TBC1D21: variants seen among roughly 807,000 people sequenced by gnomAD.
TBC1D21 encodes the protein male germ cell Rab GTPase-activating protein.
TBC1D21 carries 38 observed loss-of-function variants against 46.0 expected under a neutral mutation model. That is an observed-to-expected ratio of 0.83 (90% CI 0.64 to 1.08). The LOEUF (loss-of-function observed/expected upper bound fraction) is 1.08. TBC1D21 is among the 50% of genes least tolerant of loss of function. TBC1D21 has a pLI of 0.00. For missense variants in TBC1D21, 415 were observed against 417.9 expected, an observed-to-expected ratio of 0.99 and a Z score of 0.06; for synonymous variants, 151 against 157.2, an observed-to-expected ratio of 0.96 and a Z score of 0.29.
the TBC1D21 span, among the ~76,000 whole-genome samples, chr15:73,898,880 A>ATATAT: frequency 3.5e-5 from 2 of 56,804 alleles, no homozygotes; most frequent in African/African-American, 5.3e-5. Flanking sequence ...AAAAAAAAAA[A>ATATAT]ATATATATAT....
chr15:73,876,476 C>T (rs1385525706), intron 1 of TBC1D21, among the ~76,000 whole-genome samples: 1 of 150,264 alleles, frequency 6.7e-6, no homozygotes, highest in Non-Finnish European at 1.5e-5. Context: ...ATCTCTTGAC[C>T]TCGTGATCCA....
At chr15:73,889,286 C>T (rs1354130840), downstream of TBC1D21, 15 of 657,268 alleles carry the variant, frequency 2.3e-5, no homozygotes, top group Admixed American at 1.7e-4. Flanking sequence ...CAGGGTCGTA[C>T]GATAGGAAGA....
chr15:73,890,008 TACACACATACACAC>T (rs903853345), downstream of TBC1D21, among the ~76,000 whole-genome samples: 1 of 151,968 alleles, frequency 6.6e-6, no homozygotes, highest in Non-Finnish European at 1.5e-5. Context: ...CACACATACA[TACACACATACACAC>T]ACACACGAAT....
chr15:73,875,702 T>C (rs893037971), intron 1 of TBC1D21, among the ~76,000 whole-genome samples: 3 of 152,124 alleles, frequency 2.0e-5, no homozygotes, highest in African/African-American at 7.2e-5. Flanking sequence ...GAGATTTCCA[T>C]AGCTGCTCTA....
chr15:73,892,084 T>G (rs779327841), downstream of TBC1D21, among the ~76,000 whole-genome samples: 1 of 152,068 alleles, frequency 6.6e-6, no homozygotes, highest in Non-Finnish European at 1.5e-5. Flanking sequence ...CATGGACAAA[T>G]CAGCATGCAC....
At chr15:73,876,211 T>G (rs1197449244) in intron 1 of TBC1D21, among the ~76,000 whole-genome samples, 367 of 30,680 alleles carry the variant, frequency 0.012, 93 homozygotes, top group East Asian at 0.019. Context: ...TTTTTTTTTT[T>G]TTTTTTTTTT....
rs2068296484 is a variant in TBC1D21 at position 73,888,573 on chromosome 15, C to CCTCT, written c.978+60_978+61insCTCT. The CCTCT allele has an allele frequency of 6.0e-6, 7 of 1,167,204 alleles. No homozygotes were observed. In the African/African-American group the frequency reaches 8.9e-5, roughly 15 times the overall value. 72.3% of individuals were successfully genotyped at this position (1,167,204 alleles called of 1,614,324 possible). On this transcript the variant is annotated intron_variant, in intron 10 of 10. Transcript: ENST00000300504. ...CTTCCTCCTCCTCCTCTTCCTCCTC[C>CCTCT]TCCTCCTCTTCCTCCTCCTCCTCCT...
At chr15:73,886,693 C>A in intron 8 of TBC1D21, 81 bp downstream of exon 8, 2 of 1,311,966 alleles carry the variant, frequency 1.5e-6, no homozygotes, top group Admixed American at 1.7e-5. Flanking sequence ...CTTGCCTCCC[C>A]CTTTCTTCCT....
Position 73,873,627 on chromosome 15 carries a change from C to T in TBC1D21, c.-83C>T. The T allele has an allele frequency of 1.4e-6, 2 of 1,481,166 alleles. No homozygotes were observed. Among genetic ancestry groups the T allele is most frequent in the South Asian group, 1.2e-5 (1 of 81,914 alleles). 91.8% of individuals were successfully genotyped at this position (1,481,166 alleles called of 1,614,324 possible). On this transcript the variant is annotated 5_prime_UTR_variant, in exon 1 of 11. An upstream open reading frame in the 5' UTR gains an earlier in-frame stop. Transcript: ENST00000300504. ...GAGCAGCCAGTTCCTCCTGGGAATG[C>T]AACCCATCTCCGAAAAGGATTAAGC... is the stretch of plus-strand genomic sequence containing the variant.
chr15:73,898,880 A>AAAAAAAAAAAAAAAATATATATATAT, the TBC1D21 span, among the ~76,000 whole-genome samples: 1 of 56,778 alleles, frequency 1.8e-5, no homozygotes, highest in Non-Finnish European at 3.8e-5. Flanking sequence ...AAAAAAAAAA[A>AAAAAAAAAAAAAAAATATATATATAT]ATATATATAT....
In TBC1D21 at chr15:73,873,589, T is replaced by G; in HGVS notation, c.-121T>G. On this transcript the variant is annotated 5_prime_UTR_variant, in exon 1 of 11. Transcript: ENST00000300504. The stretch of plus-strand genomic sequence containing the variant: ...ACACTGCTGGCCGGCTCTGTTCAAG[T>G]GTGGGAGGTCAGGAGCAGCCAGTTC... The G allele has an allele frequency of 9.7e-7, 1 of 1,028,710 alleles. No individual in the cohort carries two copies. The highest frequency in any genetic ancestry group is 1.5e-6 in the Non-Finnish European group (1 of 686,646). The allele number at this position is 1,028,710 out of a possible 1,614,324, so 63.7% of individuals were successfully genotyped here. A position where few individuals can be genotyped will look rare whatever the true frequency, so the allele number is the denominator to read the frequency against.
At chr15:73,876,794 T>C (rs914096912) in intron 1 of TBC1D21, among the ~76,000 whole-genome samples, 3 of 152,224 alleles carry the variant, frequency 2.0e-5, no homozygotes, top group African/African-American at 7.2e-5. Flanking sequence ...TCGTCATTTA[T>C]TTTTTAATCA....
At chr15:73,875,746 G>A (rs2068048905) in intron 1 of TBC1D21, among the ~76,000 whole-genome samples, 1 of 152,182 alleles carries the variant, frequency 6.6e-6, no homozygotes. Context: ...ACTAGGAAAG[G>A]CACCACTGCA....
the TBC1D21 span, among the ~76,000 whole-genome samples, chr15:73,897,799 C>A: frequency 1.4e-3 from 214 of 152,350 alleles, no homozygotes; most frequent in Non-Finnish European, 2.6e-3. Context: ...AGAGGCCCTA[C>A]GCCTTGTACT....
At chr15:73,885,157 C>A in intron 6 of TBC1D21, 54 bp downstream of exon 6, 1 of 1,492,530 alleles carries the variant, frequency 6.7e-7, no homozygotes, top group African/African-American at 1.4e-5. Flanking sequence ...CCACTACTCC[C>A]CAAACAACTC....
In TBC1D21 at chr15:73,880,763, C is replaced by T. The variant is rs182709873; in HGVS notation, c.61-636C>T. On this transcript the variant is annotated intron_variant, in intron 1 of 10. Transcript: ENST00000300504. ...CCAGCCTGGCGACAGAGTGAGACTC[C>T]GTCTCGAAAAATAAAAAATACAAGA... is the stretch of plus-strand genomic sequence containing the variant. Among the ~76,000 whole-genome samples the T allele has an allele frequency of 1.0e-3, 155 of 152,222 alleles. 1 individual carries two copies. Among genetic ancestry groups the T allele is most frequent in the Non-Finnish European group, 2.9e-4 (20 of 67,998 alleles).
chr15:73,876,636 A>G (rs2068074376), intron 1 of TBC1D21, among the ~76,000 whole-genome samples: 1 of 152,144 alleles, frequency 6.6e-6, no homozygotes, highest in Admixed American at 6.5e-5. Context: ...AAATTCTCTG[A>G]ATACTCAACA....
intron 1 of TBC1D21, among the ~76,000 whole-genome samples, chr15:73,879,640 T>A (rs2068119078): frequency 6.6e-6 from 1 of 152,348 alleles, no homozygotes; most frequent in East Asian, 1.9e-4. Context: ...GAATCAACTC[T>A]GCACCTGCAG....
the TBC1D21 span, among the ~76,000 whole-genome samples, chr15:73,907,693 T>C: frequency 1.3e-5 from 2 of 152,222 alleles, no homozygotes; most frequent in Admixed American, 6.5e-5. Context: ...TTTTGTAATC[T>C]CTTACCCCTA....
Sources: allele counts gnomAD v4.1 joint callset (sites outside exome capture counted in the v4.1 genomes callset), GRCh38; gene constraint gnomAD v4.1.1; transcripts MANE v1.5; gene names NCBI Gene and HGNC (gene_info 2026-07-23, HGNC 2026-07-21).